The following SNX29 variants were observed in gnomAD, a reference collection of about 807,000 sequenced individuals.
The protein encoded by SNX29 is sorting nexin 29.
SNX29 carries 78 observed loss-of-function variants against 102.1 expected under a neutral mutation model. The observed-to-expected ratio is 0.76, with a 90% CI of 0.64 to 0.92. The LOEUF is 0.92. SNX29 is among the 40% of genes least tolerant of loss of function. The probability of loss-of-function intolerance (pLI) is 0.00; values close to 1 mark genes in which losing one functional copy is unlikely to be tolerated. For synonymous variants in SNX29, 580 were observed against 414.5 expected, an observed-to-expected ratio of 1.40 and a Z score of -4.85; for missense variants, 1,280 against 1,061.7, an observed-to-expected ratio of 1.21 and a Z score of -2.86.
At chr16:12,319,670 C>G (rs138954794) in intron 15 of SNX29, among the ~76,000 whole-genome samples, 2 of 152,272 alleles carry the variant, frequency 1.3e-5, no homozygotes, top group Non-Finnish European at 2.9e-5. Context: ...GACCAGGAAA[C>G]TGACCCGCCA....
chr16:12,356,362 A>G (rs1433570832), intron 16 of SNX29, 83 bp downstream of exon 16: 2 of 1,302,294 alleles, frequency 1.5e-6, no homozygotes, highest in Non-Finnish European at 2.2e-6. Flanking sequence ...TCACAGAGCA[A>G]GCAACCATGC....
At chr16:12,496,625 G>C (rs967453670) in intron 19 of SNX29, among the ~76,000 whole-genome samples, 2 of 149,928 alleles carry the variant, frequency 1.3e-5, no homozygotes, top group South Asian at 2.1e-4. Context: ...GTTCTCCTGC[G>C]TCAGCCTCCA....
chr16:12,541,859 G>A (rs1260105392), intron 20 of SNX29, among the ~76,000 whole-genome samples: 2 of 152,236 alleles, frequency 1.3e-5, no homozygotes, highest in East Asian at 3.9e-4. Context: ...GCACATGCCT[G>A]GAAACCAGTC....
At chr16:12,556,691 G>A (rs577539707) in intron 20 of SNX29, among the ~76,000 whole-genome samples, 16 of 152,232 alleles carry the variant, frequency 1.1e-4, no homozygotes, top group South Asian at 2.1e-4. Flanking sequence ...GTGTCTGGAG[G>A]CAGAAGCCAA....
intron 4 of SNX29, among the ~76,000 whole-genome samples, chr16:12,030,028 C>G (rs1483852011): frequency 6.6e-6 from 1 of 152,216 alleles, no homozygotes; most frequent in African/African-American, 2.4e-5. Flanking sequence ...AAATTGAAGT[C>G]TAATCTTCCC....
intron 3 of SNX29, among the ~76,000 whole-genome samples, chr16:12,005,704 A>G (rs2056429216): frequency 6.6e-6 from 1 of 152,204 alleles, no homozygotes; most frequent in Non-Finnish European, 1.5e-5. Context: ...TCCCTCATCC[A>G]AAAACCCGAA....
At chr16:12,127,143 C>G (rs1030557808) in intron 12 of SNX29, among the ~76,000 whole-genome samples, 1 of 151,610 alleles carries the variant, frequency 6.6e-6, no homozygotes, top group African/African-American at 2.4e-5. Context: ...CCTGTAATCC[C>G]AGCTACTCAG....
At chr16:12,310,367 C>T (rs2080498728) in intron 15 of SNX29, among the ~76,000 whole-genome samples, 2 of 152,200 alleles carry the variant, frequency 1.3e-5, no homozygotes, top group African/African-American at 4.8e-5. Context: ...AGGACTTGTG[C>T]ACAAATGTTC....
Position 12,571,539 on chromosome 16 carries a change from C to G in SNX29, c.*2910C>G, listed in dbSNP as rs555662242. 9.8e-6 allele frequency: 9 copies of G among 915,360 alleles called. No homozygotes were observed. The highest frequency in any genetic ancestry group is 1.7e-5 in the African/African-American group (1 of 57,982). The allele number at this position is 915,360 out of a possible 1,614,324, so 56.7% of individuals were successfully genotyped here. ...CTTGGATTCCTGGGACCACCCTTTG[C>G]TGGGAGGAAGAATCCACACCGAATC... On this transcript the variant is annotated 3_prime_UTR_variant, in exon 21 of 21. Coordinates refer to ENST00000566228, the MANE Select transcript of SNX29 (RefSeq NM_032167.5).
chr16:12,242,787 G>A (rs2078151141), intron 14 of SNX29, among the ~76,000 whole-genome samples: 2 of 151,838 alleles, frequency 1.3e-5, no homozygotes, highest in African/African-American at 4.8e-5. Flanking sequence ...ACCCTGAGTA[G>A]CTGGGACTGC....
intron 13 of SNX29, among the ~76,000 whole-genome samples, chr16:12,149,322 C>G (rs763027806): frequency 1.3e-5 from 2 of 152,200 alleles, no homozygotes; most frequent in Non-Finnish European, 2.9e-5. Flanking sequence ...TTACTTCTCA[C>G]TGGCCTGAAC....
At chr16:12,041,143 G>A (rs1044911090) in intron 4 of SNX29, among the ~76,000 whole-genome samples, 15 of 151,796 alleles carry the variant, frequency 9.9e-5, no homozygotes, top group African/African-American at 3.6e-4. Flanking sequence ...ATAGAGTTTT[G>A]CTCTGTCGCC....
At chr16:12,399,467 C>T (rs1374229215) in intron 17 of SNX29, among the ~76,000 whole-genome samples, 5 of 152,170 alleles carry the variant, frequency 3.3e-5, no homozygotes, top group South Asian at 2.1e-4. Context: ...GTTCAGCACC[C>T]GTTGGGAAGA....
chr16:12,277,248 A>T (rs2079279933), intron 14 of SNX29, among the ~76,000 whole-genome samples: 1 of 152,014 alleles, frequency 6.6e-6, no homozygotes, highest in Non-Finnish European at 1.5e-5. Context: ...ACAAAAAAAG[A>T]ACTAGCCTGC....
intron 19 of SNX29, among the ~76,000 whole-genome samples, chr16:12,520,503 C>T (rs929063086): frequency 7.9e-5 from 12 of 152,188 alleles, no homozygotes; most frequent in African/African-American, 1.4e-4. Context: ...CTTGGCTGTG[C>T]TGTAGGGACA....
chr16:12,092,003 T>C (rs994104109), intron 11 of SNX29, among the ~76,000 whole-genome samples: 3 of 152,074 alleles, frequency 2.0e-5, no homozygotes, highest in South Asian at 4.1e-4. Context: ...GCAGCCCTAC[T>C]CGGCGGAGGT....
chr16:12,545,046 C>T (rs958397745), intron 20 of SNX29, among the ~76,000 whole-genome samples: 3 of 152,170 alleles, frequency 2.0e-5, no homozygotes, highest in African/African-American at 7.2e-5. Context: ...TCTGTGATGC[C>T]CTGCTCCTGT....
At chr16:12,450,724 T>C (rs2086265813) in intron 18 of SNX29, among the ~76,000 whole-genome samples, 1 of 152,178 alleles carries the variant, frequency 6.6e-6, no homozygotes, top group African/African-American at 2.4e-5. Flanking sequence ...AGCTTGGGCA[T>C]TGACCCAGAG....
Position 12,572,788 on chromosome 16 carries a change from C to A in SNX29, c.*4159C>A. ...CCGAGGAAGACCCCACCTCACTCCTCCTTCCCCAGTACATCAGACTGGTTA... is the reference window on the plus strand; with the variant it reads ...CCGAGGAAGACCCCACCTCACTCCTACTTCCCCAGTACATCAGACTGGTTA... On this transcript the variant is annotated 3_prime_UTR_variant, in exon 21 of 21. Transcript: ENST00000566228. The A allele has an allele frequency of 9.4e-7, 1 of 1,063,806 alleles. No individual in the cohort carries two copies. Among genetic ancestry groups the A allele is most frequent in the South Asian group, 4.6e-5 (1 of 21,978 alleles). The allele number at this position is 1,063,806 out of a possible 1,614,324, so 65.9% of individuals were successfully genotyped here. A position where few individuals can be genotyped will look rare whatever the true frequency, so the allele number is the denominator to read the frequency against.
Sources: allele counts gnomAD v4.1 joint callset (sites outside exome capture counted in the v4.1 genomes callset), GRCh38; gene constraint gnomAD v4.1.1; transcripts MANE v1.5; gene names NCBI Gene and HGNC (gene_info 2026-07-23, HGNC 2026-07-21).